CCSER1: variants seen among roughly 807,000 people sequenced by gnomAD.
CCSER1 encodes coiled-coil serine rich protein 1.
A neutral mutation model predicts 82.0 loss-of-function variants in CCSER1; 41 were observed. That is an observed-to-expected ratio of 0.50 (90% confidence interval 0.39 to 0.65). The LOEUF (loss-of-function observed/expected upper bound fraction) is 0.65. CCSER1 is among the 30% of genes least tolerant of loss of function. The pLI, the probability that CCSER1 is intolerant of heterozygous loss-of-function variation, is 0.00. For missense variants in CCSER1, 1,119 were observed against 1,064.2 expected, an observed-to-expected ratio of 1.05 and a Z score of -0.72; for synonymous variants, 414 against 383.9, an observed-to-expected ratio of 1.08 and a Z score of -0.92.
chr4:90,429,139 A>T (rs1478038724), intron 4 of CCSER1, among the ~76,000 whole-genome samples: 1 of 151,860 alleles, frequency 6.6e-6, no homozygotes. Flanking sequence ...TTGTAAATTC[A>T]AAGTAGTTTT....
chr4:91,584,722 CTA>C (rs1216884798), intron 10 of CCSER1, among the ~76,000 whole-genome samples: 1 of 151,180 alleles, frequency 6.6e-6, no homozygotes, highest in Non-Finnish European at 1.5e-5. Context: ...GATTTGAAGT[CTA>C]TATATTTTTC....
chr4:90,890,183 G>T (rs1334199504), intron 8 of CCSER1, among the ~76,000 whole-genome samples: 2 of 152,072 alleles, frequency 1.3e-5, no homozygotes, highest in Non-Finnish European at 2.9e-5. Flanking sequence ...ACAGAATATT[G>T]TCATTGAATG....
At chr4:91,513,891 C>T (rs1332206802) in intron 10 of CCSER1, among the ~76,000 whole-genome samples, 4 of 151,778 alleles carry the variant, frequency 2.6e-5, no homozygotes, top group African/African-American at 4.8e-5. Context: ...TGTTGTTTAT[C>T]CTCTCAAATG....
chr4:91,384,635 A>G (rs1476898139), intron 10 of CCSER1, among the ~76,000 whole-genome samples: 2 of 152,098 alleles, frequency 1.3e-5, no homozygotes, highest in Non-Finnish European at 2.9e-5. Flanking sequence ...GTAAGGGTAT[A>G]TCTTATATAA....
At chr4:91,441,033 C>A (rs1365406683) in intron 10 of CCSER1, among the ~76,000 whole-genome samples, 2 of 151,962 alleles carry the variant, frequency 1.3e-5, no homozygotes, top group South Asian at 4.2e-4. Flanking sequence ...CCGAATTCTA[C>A]CAGAGGTACA....
At chr4:91,193,301 T>C (rs757824235) in intron 10 of CCSER1, among the ~76,000 whole-genome samples, 1 of 152,192 alleles carries the variant, frequency 6.6e-6, no homozygotes, top group Non-Finnish European at 1.5e-5. Context: ...AACTAAATTC[T>C]CCTTAAAATG....
At chr4:91,161,973 T>A (rs1229310826) in intron 10 of CCSER1, among the ~76,000 whole-genome samples, 2 of 152,154 alleles carry the variant, frequency 1.3e-5, no homozygotes, top group Non-Finnish European at 2.9e-5. Flanking sequence ...AACACTATGT[T>A]GAATAGGAGT....
Position 90,397,740 on chromosome 4 carries a change from A to T in CCSER1, c.1510-2296A>T, listed in dbSNP as rs143573397. 8.2e-3 allele frequency among the ~76,000 whole-genome samples: 1,249 copies of T among 152,264 alleles called. 12 individuals carry two copies. The highest frequency in any genetic ancestry group is 0.03 in the South Asian group (143 of 4,818). ...CAAGGAGAAGGAGTTTGGCTCATAT[A>T]AGAATCTGGTAGCTCCCTTTATAGC... is the stretch of plus-strand genomic sequence containing the variant. On this transcript the variant is annotated intron_variant, in intron 3 of 10. Transcript: ENST00000509176.
At chr4:91,267,188 A>C (rs564534057) in intron 10 of CCSER1, among the ~76,000 whole-genome samples, 9 of 152,284 alleles carry the variant, frequency 5.9e-5, no homozygotes, top group African/African-American at 2.2e-4. Flanking sequence ...GCAAATCTTG[A>C]ATTCTGCCAT....
chr4:90,757,670 A>G (rs1217184936), intron 7 of CCSER1, among the ~76,000 whole-genome samples: 1 of 152,204 alleles, frequency 6.6e-6, no homozygotes. Context: ...GTCCACATCA[A>G]GTTCCTAATC....
At chr4:90,536,245 G>C (rs765573844) in intron 5 of CCSER1, among the ~76,000 whole-genome samples, 2 of 152,026 alleles carry the variant, frequency 1.3e-5, no homozygotes, top group Non-Finnish European at 2.9e-5. Flanking sequence ...TGTTAGCCAG[G>C]CTGGTCACGA....
At chr4:90,695,356 T>C (rs1229459510) in intron 6 of CCSER1, among the ~76,000 whole-genome samples, 1 of 151,950 alleles carries the variant, frequency 6.6e-6, no homozygotes, top group African/African-American at 2.4e-5. Flanking sequence ...ACTAAATCAT[T>C]GACCTGTAGA....
At chr4:90,491,001 G>A (rs1378305653) in intron 5 of CCSER1, among the ~76,000 whole-genome samples, 1 of 152,124 alleles carries the variant, frequency 6.6e-6, no homozygotes, top group Non-Finnish European at 1.5e-5. Context: ...TCTTGGCAAT[G>A]CGGGCCCTTT....
At chr4:90,506,431 T>G (rs1264221648) in intron 5 of CCSER1, among the ~76,000 whole-genome samples, 2 of 152,208 alleles carry the variant, frequency 1.3e-5, no homozygotes, top group Non-Finnish European at 2.9e-5. Context: ...CAACTCACAT[T>G]TTTTAATTCA....
At chr4:91,007,555 T>C (rs1017664089) in intron 9 of CCSER1, among the ~76,000 whole-genome samples, 3 of 152,132 alleles carry the variant, frequency 2.0e-5, no homozygotes, top group African/African-American at 7.2e-5. Flanking sequence ...TTGTCTCTTA[T>C]GATCCTTTGT....
chr4:90,371,622 T>C (rs1015565909), intron 3 of CCSER1, among the ~76,000 whole-genome samples: 1 of 152,150 alleles, frequency 6.6e-6, no homozygotes, highest in African/African-American at 2.4e-5. Context: ...ATAATCAACA[T>C]CATAATTAGG....
At chr4:90,688,082 T>C (rs1450017848) in intron 6 of CCSER1, among the ~76,000 whole-genome samples, 1 of 152,128 alleles carries the variant, frequency 6.6e-6, no homozygotes, top group Non-Finnish European at 1.5e-5. Flanking sequence ...GATGGTGTTA[T>C]AAGTCCAAGT....
chr4:90,325,568 G>A (rs756947511), intron 3 of CCSER1: 10 of 404,362 alleles, frequency 2.5e-5, no homozygotes, highest in South Asian at 1.8e-4. Context: ...AGCTTCCATA[G>A]CATAAGAGAT....
At chr4:90,509,671 T>G (rs1052911129) in intron 5 of CCSER1, among the ~76,000 whole-genome samples, 43 of 152,266 alleles carry the variant, frequency 2.8e-4, no homozygotes, top group African/African-American at 9.6e-4. Flanking sequence ...TTGAACGTTA[T>G]TATCACAATT....
Sources: gnomAD v4.1 joint callset for allele counts (sites outside exome capture counted in the v4.1 genomes callset) on GRCh38, gnomAD v4.1.1 for gene constraint, MANE v1.5 for transcripts, NCBI Gene and HGNC (gene_info 2026-07-23, HGNC 2026-07-21) for gene names.